Variants in RPGRIP1 observed in about 807,000 individuals in gnomAD.
RPGRIP1 encodes the protein X-linked retinitis pigmentosa GTPase regulator-interacting protein 1.
RPGRIP1 carries 128 observed loss-of-function variants against 157.9 expected under a neutral mutation model. The ratio of observed to expected loss-of-function variants is 0.81; its 90% CI spans 0.70 to 0.94. The LOEUF is 0.94. Among genes scored for constraint, RPGRIP1 ranks in the 40% least tolerant of loss-of-function variants. RPGRIP1 has a pLI of 0.00. For synonymous variants in RPGRIP1, 554 were observed against 571.6 expected (o/e 0.97, Z 0.44); for missense variants, 1,486 against 1,545.8 (o/e 0.96, Z 0.65).
At position 21,320,146 on chromosome 14, in the gene RPGRIP1, C is replaced by CAGCT. The variant is rs1268647453; in HGVS notation, c.1437_1440dup (p.Val481SerfsTer13). 1.1e-5 allele frequency: 18 copies of CAGCT among 1,613,830 alleles called. No individual in the cohort carries two copies. Among genetic ancestry groups the CAGCT allele is most frequent in the Non-Finnish European group, 1.4e-5 (17 of 1,179,884 alleles). On this transcript the variant is annotated frameshift_variant, in exon 12 of 25. Coordinates refer to ENST00000400017, the MANE Select transcript of RPGRIP1 (RefSeq NM_020366.4). LOFTEE classifies it high-confidence loss of function. The stretch of plus-strand genomic sequence containing the variant: ...AGGCAATCTGAACCAGCCACTCACC[C>CAGCT]AGCTGTATTGCAAGAGAACACTCAG...
In RPGRIP1 at chr14:21,330,344, C is replaced by T; in HGVS notation, c.3195C>T (p.Ser1065=). The change falls in exon 20 of 25, where the codon TCC becomes TCT. Residue 1065 remains serine (S), a synonymous_variant. Coordinates refer to ENST00000400017, the MANE Select transcript of RPGRIP1 (RefSeq NM_020366.4). ...NQHEEEEMTL[S]HSALKQKEPL... is the part of the protein sequence containing the mutation. Reference sequence around the variant, plus strand: ...ACGAGGAAGAGGAAATGACATTATCCCATTCAGCACTGAAACAGAAGGAAC... The same window carrying T: ...ACGAGGAAGAGGAAATGACATTATCTCATTCAGCACTGAAACAGAAGGAAC... 1 of 1,572,862 alleles carries T rather than the reference C, an allele frequency of 6.4e-7. No homozygotes were observed. The highest frequency in any genetic ancestry group is 8.6e-7 in the Non-Finnish European group (1 of 1,163,860).
chr14:21,325,307 C>A lies in RPGRIP1; in HGVS notation c.2291C>A (p.Ala764Glu), dbSNP rs758652031. The change falls in exon 16 of 25, where the codon GCG becomes GAG. Residue 764 changes from alanine to glutamate, a missense_variant. Coordinates refer to ENST00000400017, the MANE Select transcript of RPGRIP1 (RefSeq NM_020366.4). ...TTCCCCATAAAACCCAGCCTACAGG[C>A]GTGCAATAAACGAAAGAAAGCCCAG... is the stretch of plus-strand genomic sequence containing the variant. ...LRFPIKPSLQACNKRKKAQVY... is the reference protein window; with the variant it reads ...LRFPIKPSLQECNKRKKAQVY... The A allele has an allele frequency of 2.5e-6, 4 of 1,611,520 alleles. No individual in the cohort carries two copies. The East Asian group carries it at 6.7e-5, about 27-fold the overall frequency.
intron 8 of RPGRIP1, among the ~76,000 whole-genome samples, chr14:21,311,166 T>TA (rs1276833328): frequency 6.6e-6 from 1 of 152,160 alleles, no homozygotes; most frequent in Non-Finnish European, 1.5e-5. Context: ...GTAGTCATCA[T>TA]AAAAAAGCAG....
chr14:21,332,846 C>G (rs1239964833), intron 20 of RPGRIP1, among the ~76,000 whole-genome samples: 1 of 152,188 alleles, frequency 6.6e-6, no homozygotes, highest in Non-Finnish European at 1.5e-5. Context: ...GTGGCTTACA[C>G]CTGTACTCCC....
chr14:21,337,647 G>A (rs1461750133), intron 21 of RPGRIP1, among the ~76,000 whole-genome samples: 1 of 151,182 alleles, frequency 6.6e-6, no homozygotes, highest in Non-Finnish European at 1.5e-5. Context: ...TCACTATGTT[G>A]GCCAGGCTGG....
At chr14:21,306,155 A>G (rs1460413316) in intron 6 of RPGRIP1, among the ~76,000 whole-genome samples, 1 of 83,816 alleles carries the variant, frequency 1.2e-5, no homozygotes. Flanking sequence ...TTTTTGAGAC[A>G]GAGTCTCACT....
At chr14:21,310,482 G>A in intron 7 of RPGRIP1, 102 bp from the exon 8 acceptor site, 1 of 643,522 alleles carries the variant, frequency 1.6e-6, no homozygotes, top group Non-Finnish European at 2.6e-6. Flanking sequence ...TGTTTTGTGG[G>A]ATTTTTATAA....
chr14:21,337,774 T>C (rs1258314129), intron 21 of RPGRIP1, among the ~76,000 whole-genome samples: 2 of 147,172 alleles, frequency 1.4e-5, no homozygotes, highest in East Asian at 4.0e-4. Flanking sequence ...TTTTTTTTTT[T>C]TTTTAGAGTC....
At chr14:21,329,559 T>C (rs1044261733) in intron 19 of RPGRIP1, among the ~76,000 whole-genome samples, 4 of 148,534 alleles carry the variant, frequency 2.7e-5, no homozygotes, top group Non-Finnish European at 4.5e-5. Flanking sequence ...CAGAGTGCAA[T>C]GGCATGACCT....
Position 21,317,847 on chromosome 14 carries a change from A to C in RPGRIP1, c.1303A>C (p.Lys435Gln). The C allele has an allele frequency of 6.2e-7, 1 of 1,603,316 alleles. No homozygotes were observed. The highest frequency in any genetic ancestry group is 8.5e-7 in the Non-Finnish European group (1 of 1,174,320). The stretch of plus-strand genomic sequence containing the variant: ...AGTTTTACTTGAGCTGTCCAGGGAG[A>C]AAGGTAGGCTGGACCTTGAAGAGCT... ...RKVLLELSREKAQNEDLKLEV... is the reference protein window; with the variant it reads ...RKVLLELSREQAQNEDLKLEV... The change falls in exon 11 of 25, where the codon AAA (lysine) becomes CAA (glutamine). Residue 435 changes from lysine (K) to glutamine (Q), a missense_variant. Coordinates refer to ENST00000400017, the MANE Select transcript of RPGRIP1 (RefSeq NM_020366.4).
At chr14:21,301,592 A>G (rs1017055725) in intron 4 of RPGRIP1, among the ~76,000 whole-genome samples, 4 of 151,636 alleles carry the variant, frequency 2.6e-5, no homozygotes, top group African/African-American at 9.7e-5. Context: ...CAGGAGAATC[A>G]CTTGAACTCG....
intron 10 of RPGRIP1, among the ~76,000 whole-genome samples, chr14:21,317,060 C>T (rs1006490542): frequency 6.6e-6 from 1 of 151,280 alleles, no homozygotes; most frequent in Non-Finnish European, 1.5e-5. Context: ...GCAGAGGTTG[C>T]AGTGAGCCAA....
chr14:21,334,656 A>G lies in RPGRIP1; in HGVS notation c.3290A>G (p.Asp1097Gly), dbSNP rs1884139995. 1 of 1,609,318 alleles carries G rather than the reference A, an allele frequency of 6.2e-7. No individual in the cohort carries two copies. Among genetic ancestry groups the G allele is most frequent in the Non-Finnish European group, 8.5e-7 (1 of 1,178,458 alleles). Reference protein sequence around the residue: ...GSEVSEAQTTDSDDVIVPPMS... With the variant: ...GSEVSEAQTTGSDDVIVPPMS... Reference sequence around the variant, plus strand: ...GAAGTCAGTGAAGCACAAACTACCGACAGTGATGATGTCATAGTGCCACCC... The same window carrying G: ...GAAGTCAGTGAAGCACAAACTACCGGCAGTGATGATGTCATAGTGCCACCC... The change falls in exon 21 of 25, where the codon GAC becomes GGC. Residue 1097 changes from aspartate (D) to glycine (G), a missense_variant. By Grantham distance (94) the Asp-to-Gly change is moderately conservative. Coordinates refer to ENST00000400017, the MANE Select transcript of RPGRIP1 (RefSeq NM_020366.4).
intron 7 of RPGRIP1, among the ~76,000 whole-genome samples, chr14:21,309,513 A>G (rs77190401): frequency 0.039 from 5,929 of 152,194 alleles, 250 homozygotes; most frequent in East Asian, 0.26. Flanking sequence ...GTCTCAAAAA[A>G]AGAAAAAAGA....
chr14:21,298,118 G>A (rs566062698), intron 3 of RPGRIP1, among the ~76,000 whole-genome samples: 1 of 152,154 alleles, frequency 6.6e-6, no homozygotes, highest in East Asian at 1.9e-4. Context: ...TCTGTAAGCA[G>A]ACAAAATTAG....
chr14:21,301,552 C>T (rs1881028729), intron 4 of RPGRIP1, among the ~76,000 whole-genome samples: 1 of 151,960 alleles, frequency 6.6e-6, no homozygotes, highest in African/African-American at 2.4e-5. Flanking sequence ...TGGCGCGCAC[C>T]TGTAGTCCCA....
intron 2 of RPGRIP1, 80 bp from the exon 3 acceptor site, chr14:21,294,597 A>T: frequency 7.4e-7 from 1 of 1,352,386 alleles, no homozygotes; most frequent in Non-Finnish European, 1.0e-6. Flanking sequence ...TGCTCTCTGG[A>T]CAAGATGTGA....
At chr14:21,350,376 CA>C (rs765881214) in intron 24 of RPGRIP1, among the ~76,000 whole-genome samples, 35 of 22,206 alleles carry the variant, frequency 1.6e-3, no homozygotes, top group African/African-American at 2.9e-3. Context: ...ACTCTGTCTC[CA>C]AAAAAAAAAA....
chr14:21,312,636 C>A, intron 10 of RPGRIP1, 130 bp downstream of exon 10: 1 of 557,196 alleles, frequency 1.8e-6, no homozygotes, highest in Non-Finnish European at 3.1e-6. Context: ...GAATATTAAT[C>A]GGCAGTCTTT....
Sources: gnomAD v4.1 joint callset for allele counts (sites outside exome capture counted in the v4.1 genomes callset) on GRCh38, gnomAD v4.1.1 for gene constraint, MANE v1.5 for transcripts, NCBI Gene and HGNC (gene_info 2026-07-23, HGNC 2026-07-21) for gene names.